The following FAM107B variants were observed in gnomAD, a reference collection of about 807,000 sequenced individuals.
FAM107B encodes the protein family with sequence similarity 107 member B, also known as protein FAM107B.
In FAM107B, 21 loss-of-function variants were observed where a neutral mutation model predicts 31.5. The observed-to-expected ratio is 0.67, with a 90% CI of 0.47 to 0.96. The LOEUF (loss-of-function observed/expected upper bound fraction) is 0.96. Among genes scored for constraint, FAM107B ranks in the 40% least tolerant of loss-of-function variants. The pLI is 0.00. For synonymous variants in FAM107B, 157 were observed against 141.5 expected, an observed-to-expected ratio of 1.11 and a Z score of -0.78; for missense variants, 452 against 377.1, an observed-to-expected ratio of 1.20 and a Z score of -1.64.
chr10:14,712,911 A>T (rs1242400499), intron 1 of FAM107B, among the ~76,000 whole-genome samples: 1 of 152,170 alleles, frequency 6.6e-6, no homozygotes. Flanking sequence ...TGAGACTAAA[A>T]GTGTGCCCAC....
chr10:14,732,583 T>C lies in FAM107B; in HGVS notation c.411+41670A>G, dbSNP rs904346989. ...GAACTGCTGTATCAATGTAAGGTATTCTAAATATGAAACTAGAAGACACTT... is the reference window on the plus strand; with the variant it reads ...GAACTGCTGTATCAATGTAAGGTATCCTAAATATGAAACTAGAAGACACTT... On this transcript the variant is annotated intron_variant, in intron 1 of 4. Transcript: ENST00000181796. Among the ~76,000 whole-genome samples, 7 of 152,056 alleles carry C rather than the reference T, an allele frequency of 4.6e-5. No homozygotes were observed. In the East Asian group the frequency reaches 1.3e-3, roughly 29 times the overall value.
At chr10:14,683,104 G>T (rs566432587) in intron 1 of FAM107B, among the ~76,000 whole-genome samples, 4 of 152,130 alleles carry the variant, frequency 2.6e-5, no homozygotes, top group Non-Finnish European at 5.9e-5. Flanking sequence ...ACTTTTAAGT[G>T]GAGCAGGAAT....
At chr10:14,603,930 G>C (rs552520585) in intron 2 of FAM107B, among the ~76,000 whole-genome samples, 1 of 150,288 alleles carries the variant, frequency 6.7e-6, no homozygotes, top group Admixed American at 6.6e-5. Flanking sequence ...GCTCCCCCGC[G>C]GCAGCGCCGA....
chr10:14,526,748 A>G (rs978631553), intron 3 of FAM107B, among the ~76,000 whole-genome samples: 1 of 152,226 alleles, frequency 6.6e-6, no homozygotes, highest in Admixed American at 6.5e-5. Flanking sequence ...AACCAATTTT[A>G]GGGATATGTT....
At chr10:14,548,112 AC>A (rs1421494107) in intron 2 of FAM107B, among the ~76,000 whole-genome samples, 3 of 152,200 alleles carry the variant, frequency 2.0e-5, no homozygotes, top group African/African-American at 7.2e-5. Context: ...CAAGACCAGG[AC>A]CCACAGCGCT....
intron 2 of FAM107B, among the ~76,000 whole-genome samples, chr10:14,655,522 C>T (rs908297026): frequency 3.9e-5 from 6 of 152,312 alleles, no homozygotes; most frequent in African/African-American, 9.6e-5. Flanking sequence ...CAGGTTCAAG[C>T]GATTCTCCTG....
intron 2 of FAM107B, among the ~76,000 whole-genome samples, chr10:14,587,912 A>G (rs999962524): frequency 3.9e-5 from 6 of 152,156 alleles, no homozygotes; most frequent in African/African-American, 1.2e-4. Flanking sequence ...CTCCTCCTGC[A>G]CTCAATCCTA....
chr10:14,527,996 TTTC>T (rs1226130862), intron 3 of FAM107B: 2 of 360,976 alleles, frequency 5.5e-6, no homozygotes, highest in Non-Finnish European at 1.1e-5. Flanking sequence ...AAATCTGCCT[TTTC>T]TTTTTTTTTT....
intron 2 of FAM107B, among the ~76,000 whole-genome samples, chr10:14,543,911 T>C (rs1409979932): frequency 6.6e-6 from 1 of 152,174 alleles, no homozygotes; most frequent in East Asian, 1.9e-4. Context: ...TGTCCCACCC[T>C]GAGGGCCTGA....
Position 14,521,224 on chromosome 10 carries a change from G to A in FAM107B, c.887C>T (p.Thr296Ile), listed in dbSNP as rs375536594. 29 of 1,614,044 alleles carry A rather than the reference G, an allele frequency of 1.8e-5. No homozygotes were observed. The highest frequency in any genetic ancestry group is 2.5e-5 in the Non-Finnish European group (29 of 1,180,032). ...CTGGGCTTGGGCGACTTCTTGGCCTGTTCTCCTGAGATTGCCTTTCACCTT... is the reference window on the plus strand; with the variant it reads ...CTGGGCTTGGGCGACTTCTTGGCCTATTCTCCTGAGATTGCCTTTCACCTT... ...FVKVKGNLRR[T>I]GQEVAQAQES is the part of the protein sequence containing the mutation. The change falls in exon 5 of 5, where the codon ACA becomes ATA. Residue 296 changes from threonine to isoleucine, a missense_variant. By Grantham distance (89) the Thr-to-Ile change is moderately conservative (BLOSUM62 -1). Transcript: ENST00000181796.
chr10:14,731,325 G>A (rs1480333022), intron 1 of FAM107B, among the ~76,000 whole-genome samples: 4 of 152,152 alleles, frequency 2.6e-5, no homozygotes, highest in African/African-American at 9.7e-5. Context: ...AGTATGGGGG[G>A]CCGAGGCAGG....
chr10:14,736,974 A>G (rs1364822587), intron 1 of FAM107B, among the ~76,000 whole-genome samples: 1 of 152,160 alleles, frequency 6.6e-6, no homozygotes, highest in Non-Finnish European at 1.5e-5. Flanking sequence ...GTCTGGGGAA[A>G]GGCCACACAG....
intron 2 of FAM107B, among the ~76,000 whole-genome samples, chr10:14,664,271 T>A (rs781381921): frequency 3.9e-5 from 6 of 152,250 alleles, no homozygotes; most frequent in Non-Finnish European, 5.9e-5. Flanking sequence ...TTTTACTATT[T>A]AAAGGCTACC....
At chr10:14,619,364 C>T (rs1485428302) in intron 2 of FAM107B, among the ~76,000 whole-genome samples, 1 of 152,170 alleles carries the variant, frequency 6.6e-6, no homozygotes, top group African/African-American at 2.4e-5. Context: ...TCGACACTAG[C>T]AGTGTTTTTC....
chr10:14,761,660 T>C (rs1833050063), intron 1 of FAM107B, among the ~76,000 whole-genome samples: 1 of 152,158 alleles, frequency 6.6e-6, no homozygotes, highest in Non-Finnish European at 1.5e-5. Flanking sequence ...AGTGCAGTGG[T>C]GCGATCTCAG....
intron 1 of FAM107B, among the ~76,000 whole-genome samples, chr10:14,705,060 A>G (rs1855489828): frequency 1.3e-5 from 2 of 149,894 alleles, no homozygotes; most frequent in Admixed American, 6.7e-5. Context: ...AAGGACTTGA[A>G]TAAACATTTC....
At chr10:14,585,367 G>A (rs1001962221) in intron 2 of FAM107B, among the ~76,000 whole-genome samples, 1 of 151,974 alleles carries the variant, frequency 6.6e-6, no homozygotes, top group Admixed American at 6.6e-5. Flanking sequence ...GACTTTCCCA[G>A]CCCCTGTCAA....
chr10:14,760,008 A>T (rs933252667), intron 1 of FAM107B, among the ~76,000 whole-genome samples: 1 of 152,138 alleles, frequency 6.6e-6, no homozygotes, highest in African/African-American at 2.4e-5. Context: ...CACCGTGCCT[A>T]GCCAAGCCTT....
intron 1 of FAM107B, among the ~76,000 whole-genome samples, chr10:14,737,899 G>A (rs547794507): frequency 2.0e-5 from 3 of 151,392 alleles, no homozygotes; most frequent in Admixed American, 6.6e-5. Context: ...GACTGGTGAC[G>A]ATGTTATACA....
Sources: gnomAD v4.1 joint callset for allele counts (sites outside exome capture counted in the v4.1 genomes callset) on GRCh38, gnomAD v4.1.1 for gene constraint, MANE v1.5 for transcripts, NCBI Gene and HGNC (gene_info 2026-07-23, HGNC 2026-07-21) for gene names.